The following CCDC85A variants were observed in gnomAD, a reference collection of about 807,000 sequenced individuals.
The protein encoded by CCDC85A is coiled-coil domain-containing protein 85A.
A neutral mutation model predicts 50.2 loss-of-function variants in CCDC85A; 38 were observed. The ratio of observed to expected loss-of-function variants is 0.76; its 90% CI spans 0.58 to 0.99. CCDC85A has a LOEUF of 0.99. Ranked by LOEUF, CCDC85A falls within the 50% of genes least tolerant of loss-of-function variation. CCDC85A has a pLI of 0.00. For missense variants in CCDC85A, 820 were observed against 742.0 expected (o/e 1.11, Z -1.22); for synonymous variants, 366 against 301.4 (o/e 1.21, Z -2.22).
At chr2:56,365,216 A>G (rs888967706) in intron 3 of CCDC85A, among the ~76,000 whole-genome samples, 5 of 152,220 alleles carry the variant, frequency 3.3e-5, no homozygotes, top group East Asian at 1.9e-4. Flanking sequence ...GACTCCACAG[A>G]CATCAATCTC....
chr2:56,375,956 A>G (rs761202657), intron 5 of CCDC85A, 21 bp downstream of exon 5: 4 of 1,606,482 alleles, frequency 2.5e-6, no homozygotes, highest in African/African-American at 2.7e-5. Context: ...GTGTGCAACC[A>G]TTTATCCAGA....
At chr2:56,304,558 C>T (rs534315868) in intron 2 of CCDC85A, among the ~76,000 whole-genome samples, 6 of 152,056 alleles carry the variant, frequency 3.9e-5, no homozygotes, top group South Asian at 2.1e-4. Context: ...AACTGTGGGA[C>T]GGGACCACCC....
Position 56,205,838 on chromosome 2 carries a change from GTAA to G in CCDC85A, c.1240+12399_1240+12401del, listed in dbSNP as rs540837344. 1.3e-4 allele frequency among the ~76,000 whole-genome samples: 20 copies of G among 152,276 alleles called. No individual in the cohort carries two copies. In the East Asian group the frequency reaches 3.9e-3, roughly 29 times the overall value. On this transcript the variant is annotated intron_variant, in intron 2 of 5. Transcript: ENST00000407595. ...TGGTCTGACATGTCCATGGAAGGAG[GTAA>G]GTAACAATAAAGATGTATGGTTAAG...
At chr2:56,285,513 T>G (rs1482004031) in intron 2 of CCDC85A, among the ~76,000 whole-genome samples, 1 of 146,590 alleles carries the variant, frequency 6.8e-6, no homozygotes, top group East Asian at 1.9e-4. Flanking sequence ...TTATAGTATA[T>G]TATATTAATA....
chr2:56,361,322 A>G (rs1675517123), intron 3 of CCDC85A, among the ~76,000 whole-genome samples: 1 of 151,998 alleles, frequency 6.6e-6, no homozygotes, highest in Non-Finnish European at 1.5e-5. Context: ...AGCATTGGCC[A>G]TTCATTTAAT....
intron 3 of CCDC85A, among the ~76,000 whole-genome samples, chr2:56,361,783 C>A (rs910863810): frequency 6.6e-6 from 1 of 152,036 alleles, no homozygotes; most frequent in East Asian, 1.9e-4. Context: ...GGATATGAGT[C>A]GATGGAATGC....
Position 56,322,599 on chromosome 2 carries a change from A to G in CCDC85A, c.1241-20280A>G, listed in dbSNP as rs939009138. Among the ~76,000 whole-genome samples, 3 of 152,300 alleles carry G rather than the reference A, an allele frequency of 2.0e-5. No homozygotes were observed. In the East Asian group the frequency reaches 5.8e-4, roughly 29 times the overall value. ...CAAACCAAAACCACAATGAGATACCATCTCACACCAGTTAGAATGGCGATC... is the reference window on the plus strand; with the variant it reads ...CAAACCAAAACCACAATGAGATACCGTCTCACACCAGTTAGAATGGCGATC... On this transcript the variant is annotated intron_variant, in intron 2 of 5. Coordinates refer to ENST00000407595, the MANE Select transcript of CCDC85A (RefSeq NM_001080433.2).
At chr2:56,198,951 A>T (rs1387825327) in intron 2 of CCDC85A, among the ~76,000 whole-genome samples, 1 of 152,220 alleles carries the variant, frequency 6.6e-6, no homozygotes, top group Non-Finnish European at 1.5e-5. Flanking sequence ...GCTGCCATAA[A>T]GTAAACCAAG....
At chr2:56,305,878 A>G (rs376521692) in intron 2 of CCDC85A, among the ~76,000 whole-genome samples, 3 of 152,226 alleles carry the variant, frequency 2.0e-5, no homozygotes, top group African/African-American at 4.8e-5. Context: ...TGCTTCCCAG[A>G]TAATGACATT....
rs115308872 is a variant in CCDC85A at position 56,307,472 on chromosome 2, A to G, written c.1241-35407A>G. 9.8e-3 allele frequency among the ~76,000 whole-genome samples: 1,496 copies of G among 152,278 alleles called. 25 individuals are homozygous for G. Among genetic ancestry groups the G allele is most frequent in the African/African-American group, 0.034 (1,393 of 41,558 alleles). ...GGTAGTGTAGAAATTTAATGAACTA[A>G]TAAGTTTGTGTTGAGTAAATGGTTC... is the stretch of plus-strand genomic sequence containing the variant. On this transcript the variant is annotated intron_variant, in intron 2 of 5. Coordinates refer to ENST00000407595, the MANE Select transcript of CCDC85A (RefSeq NM_001080433.2).
chr2:56,225,854 A>C (rs542048954), intron 2 of CCDC85A, among the ~76,000 whole-genome samples: 14 of 152,284 alleles, frequency 9.2e-5, no homozygotes, highest in African/African-American at 3.1e-4. Flanking sequence ...TTCATAGCGT[A>C]AATCTCCTGC....
intron 2 of CCDC85A, among the ~76,000 whole-genome samples, chr2:56,227,880 G>C (rs1229886344): frequency 2.0e-5 from 3 of 152,150 alleles, no homozygotes; most frequent in African/African-American, 7.2e-5. Context: ...TGCTCACCTA[G>C]ATTTCAAGAG....
intron 2 of CCDC85A, among the ~76,000 whole-genome samples, chr2:56,281,440 A>G (rs569886848): frequency 6.6e-6 from 1 of 152,248 alleles, no homozygotes; most frequent in Non-Finnish European, 1.5e-5. Context: ...ATGAGTACCT[A>G]GGAATAGAAT....
intron 2 of CCDC85A, among the ~76,000 whole-genome samples, chr2:56,324,654 A>G (rs748251224): frequency 1.3e-5 from 2 of 152,066 alleles, no homozygotes; most frequent in Non-Finnish European, 1.5e-5. Context: ...TTTTGTTGTT[A>G]TTTGCACTTC....
chr2:56,361,201 C>T lies in CCDC85A; in HGVS notation c.1318-11143C>T, dbSNP rs906666989. ...CCCAGGAGGCGGAGCTTGCAGTGAG[C>T]GGAGATCGCGCCACTGCACTCCAGT... On this transcript the variant is annotated intron_variant, in intron 3 of 5. Transcript: ENST00000407595. Among the ~76,000 whole-genome samples, 16 of 151,230 alleles carry T rather than the reference C, an allele frequency of 1.1e-4. No homozygotes were observed. The East Asian group carries it at 1.6e-3, about 15-fold the overall frequency.
intron 4 of CCDC85A, among the ~76,000 whole-genome samples, chr2:56,373,026 A>G (rs999900519): frequency 6.6e-6 from 1 of 152,208 alleles, no homozygotes; most frequent in Non-Finnish European, 1.5e-5. Flanking sequence ...AACCCTCATA[A>G]TTCTCCAAAT....
intron 5 of CCDC85A, among the ~76,000 whole-genome samples, chr2:56,376,837 T>A (rs943149699): frequency 2.6e-5 from 4 of 152,224 alleles, no homozygotes; most frequent in African/African-American, 9.6e-5. Context: ...GTGCTTCCGA[T>A]CTGCTTTTAC....
intron 2 of CCDC85A, among the ~76,000 whole-genome samples, chr2:56,261,912 C>T (rs897847030): frequency 3.9e-5 from 6 of 152,188 alleles, no homozygotes; most frequent in African/African-American, 1.4e-4. Context: ...AAGCCAGGTT[C>T]TGGCCCCTCT....
rs1359545662 is a variant in CCDC85A, at chr2:56,184,756, G to A, written c.132G>A (p.Leu44=). Residue 44 remains leucine, a synonymous_variant, in exon 1 of 6, where the codon CTG becomes CTA. Coordinates refer to ENST00000407595, the MANE Select transcript of CCDC85A (RefSeq NM_001080433.2). The part of the protein sequence containing the change: ...EDLSKVSDEE[L]LQWSKEELIR... ...TGTCCAAAGTGTCGGACGAGGAGCT[G>A]CTGCAGTGGAGCAAGGAGGAGCTGA... The A allele has an allele frequency of 6.5e-7, 1 of 1,544,904 alleles. No individual in the cohort carries two copies. The highest frequency in any genetic ancestry group is 8.7e-7 in the Non-Finnish European group (1 of 1,145,616).
Sources: allele counts gnomAD v4.1 joint callset (sites outside exome capture counted in the v4.1 genomes callset), GRCh38; gene constraint gnomAD v4.1.1; transcripts MANE v1.5; gene names NCBI Gene and HGNC (gene_info 2026-07-23, HGNC 2026-07-21).